Variants in CDH2 observed in about 807,000 individuals in gnomAD.
CDH2 encodes cadherin-2.
In CDH2, 17 loss-of-function variants were observed where a neutral mutation model predicts 92.0. The ratio of observed to expected loss-of-function variants is 0.18; its 90% CI spans 0.13 to 0.28. CDH2 has a LOEUF of 0.28. CDH2 is among the 10% of genes least tolerant of loss of function. The pLI, the probability that CDH2 is intolerant of heterozygous loss-of-function variation, is 1.00. For synonymous variants in CDH2, 419 were observed against 415.9 expected, an observed-to-expected ratio of 1.01 and a Z score of -0.09; for missense variants, 862 against 1,133.1, an observed-to-expected ratio of 0.76 and a Z score of 3.44.
chr18:27,974,161 C>A (rs529276420), intron 14 of CDH2, among the ~76,000 whole-genome samples: 35 of 152,284 alleles, frequency 2.3e-4, no homozygotes, highest in Middle Eastern at 6.8e-3. Context: ...TAGAAAATCA[C>A]CTCCTCTTTG....
At position 28,164,552 on chromosome 18, in the gene CDH2, T is replaced by C. The variant is rs189267490; in HGVS notation, c.60+12411A>G. 2.4e-3 allele frequency among the ~76,000 whole-genome samples: 372 copies of C among 152,234 alleles called. 5 individuals are homozygous for C. Among genetic ancestry groups the C allele is most frequent in the Non-Finnish European group, 7.6e-4 (52 of 68,014 alleles). On this transcript the variant is annotated intron_variant, in intron 1 of 15. Transcript: ENST00000269141. ...CAGATGCTGTACTGGCATCAACCAA[T>C]ATGGTACCATTACACTCAACCCTCT...
At chr18:28,096,001 T>C (rs1425618245) in intron 2 of CDH2, among the ~76,000 whole-genome samples, 2 of 152,124 alleles carry the variant, frequency 1.3e-5, no homozygotes, top group Admixed American at 1.3e-4. Context: ...TTGGGAATTA[T>C]GCAGTTTAAA....
intron 2 of CDH2, among the ~76,000 whole-genome samples, chr18:28,144,172 A>AC (rs2015998972): frequency 6.6e-6 from 1 of 152,038 alleles, no homozygotes; most frequent in South Asian, 2.1e-4. Context: ...AATTAAAAAA[A>AC]AAAAGAGCTA....
Position 27,977,952 on chromosome 18 carries a change from T to C in CDH2, c.2349+4992A>G, listed in dbSNP as rs560194193. On this transcript the variant is annotated intron_variant, in intron 14 of 15. Coordinates refer to ENST00000269141, the MANE Select transcript of CDH2 (RefSeq NM_001792.5). ...CCAGTCCCATTTCCAAGGCCTATTA[T>C]TGTAGAAAGAGAGTATCTTCATAAA... Among the ~76,000 whole-genome samples, 4 of 152,302 alleles carry C rather than the reference T, an allele frequency of 2.6e-5. No homozygotes were observed. In the East Asian group the frequency reaches 5.8e-4, roughly 22 times the overall value.
At chr18:28,137,429 T>C (rs1022179962) in intron 2 of CDH2, among the ~76,000 whole-genome samples, 1 of 152,112 alleles carries the variant, frequency 6.6e-6, no homozygotes, top group South Asian at 2.1e-4. Flanking sequence ...GGAAAAATAA[T>C]AGATCAAGCT....
At chr18:28,011,255 AT>A (rs763486850) in intron 4 of CDH2, among the ~76,000 whole-genome samples, 1 of 151,356 alleles carries the variant, frequency 6.6e-6, no homozygotes, top group South Asian at 2.1e-4. Flanking sequence ...AAATATCTGC[AT>A]TTTTTTTCTG....
intron 2 of CDH2, among the ~76,000 whole-genome samples, chr18:28,059,935 C>A (rs635726): frequency 0.07 from 10,661 of 152,116 alleles, 798 homozygotes; most frequent in African/African-American, 0.19. Flanking sequence ...TTTTCCCCTG[C>A]GATCTAGATT....
At position 27,951,615 on chromosome 18, in the gene CDH2, T is replaced by C. The variant is rs1160234897; in HGVS notation, c.*538A>G. The C allele has an allele frequency of 2.4e-5, 2 of 82,884 alleles. No homozygotes were observed. Among genetic ancestry groups the C allele is most frequent in the Non-Finnish European group, 5.9e-5 (2 of 33,696 alleles). The allele number at this position is 82,884 out of a possible 1,614,324, so 5.1% of individuals were successfully genotyped here. Reference sequence around the variant, plus strand: ...GCAACCAGCTGAGTAAGTTTTAAGATTTTAGTGAAAAAAAAAAAAACAAAC... The same window carrying C: ...GCAACCAGCTGAGTAAGTTTTAAGACTTTAGTGAAAAAAAAAAAAACAAAC... On this transcript the variant is annotated 3_prime_UTR_variant, in exon 16 of 16. Coordinates refer to ENST00000269141, the MANE Select transcript of CDH2 (RefSeq NM_001792.5).
chr18:28,117,350 T>C (rs1050980751), intron 2 of CDH2, among the ~76,000 whole-genome samples: 5 of 152,232 alleles, frequency 3.3e-5, no homozygotes, highest in Middle Eastern at 3.4e-3. Flanking sequence ...TAGCAGGACA[T>C]AGATATCCCT....
chr18:27,939,216 A>G (rs918688654), intron 6 of CDH2, among the ~76,000 whole-genome samples: 1 of 152,100 alleles, frequency 6.6e-6, no homozygotes, highest in Non-Finnish European at 1.5e-5. Context: ...TCTTCCATAG[A>G]TGAACTAATC....
chr18:28,145,097 T>C (rs1272877534), intron 2 of CDH2, among the ~76,000 whole-genome samples: 1 of 152,070 alleles, frequency 6.6e-6, no homozygotes, highest in African/African-American at 2.4e-5. Flanking sequence ...ATCATCAGCG[T>C]TCATGGTACC....
intron 2 of CDH2, among the ~76,000 whole-genome samples, chr18:28,117,025 C>A (rs1392275546): frequency 6.6e-6 from 1 of 152,118 alleles, no homozygotes; most frequent in Non-Finnish European, 1.5e-5. Context: ...TCCTCCCTCA[C>A]AAATTACAAT....
chr18:27,975,167 G>A (rs552689488), intron 14 of CDH2, among the ~76,000 whole-genome samples: 8 of 152,250 alleles, frequency 5.3e-5, no homozygotes, highest in East Asian at 3.9e-4. Flanking sequence ...AGAAGAAAAC[G>A]GAGCCAATTG....
intron 2 of CDH2, among the ~76,000 whole-genome samples, chr18:28,043,837 G>A (rs1239422376): frequency 6.7e-6 from 1 of 148,404 alleles, no homozygotes; most frequent in East Asian, 2.0e-4. Context: ...GCTGTGAGTG[G>A]CCATCCTCAG....
intron 7 of CDH2, 119 bp downstream of exon 7, chr18:28,002,878 G>T (rs1349436551): frequency 1.1e-6 from 1 of 935,386 alleles, no homozygotes; most frequent in Non-Finnish European, 1.7e-6. Context: ...TAATGAAAAC[G>T]ATTAGCATTT....
chr18:28,077,530 A>G (rs2014743655), intron 2 of CDH2, among the ~76,000 whole-genome samples: 1 of 152,170 alleles, frequency 6.6e-6, no homozygotes. Flanking sequence ...AAAGTCCTCC[A>G]AAATAGAGGA....
intron 6 of CDH2, among the ~76,000 whole-genome samples, chr18:27,943,207 CTCTT>C (rs1395849194): frequency 1.3e-5 from 2 of 152,150 alleles, no homozygotes; most frequent in African/African-American, 4.8e-5. Flanking sequence ...AAAAGAGCCA[CTCTT>C]TCTTTTATTC....
chr18:28,126,476 T>C (rs930303825), intron 2 of CDH2, among the ~76,000 whole-genome samples: 1 of 152,102 alleles, frequency 6.6e-6, no homozygotes, highest in Admixed American at 6.6e-5. Flanking sequence ...AAAATATACA[T>C]AAAATCCACT....
At chr18:27,945,805 TG>T (rs1201371813) in intron 6 of CDH2, among the ~76,000 whole-genome samples, 1 of 152,162 alleles carries the variant, frequency 6.6e-6, no homozygotes, top group Non-Finnish European at 1.5e-5. Context: ...TTGTCTGGAC[TG>T]ATGTTTTACC....
Sources: allele counts gnomAD v4.1 joint callset (sites outside exome capture counted in the v4.1 genomes callset), GRCh38; gene constraint gnomAD v4.1.1; transcripts MANE v1.5; gene names NCBI Gene and HGNC (gene_info 2026-07-23, HGNC 2026-07-21).